The following VPS13B variants were observed in gnomAD, a reference collection of about 807,000 sequenced individuals.
The protein encoded by VPS13B is vacuolar protein sorting 13 homolog B.
VPS13B carries 285 observed loss-of-function variants against 426.4 expected under a neutral mutation model. The ratio of observed to expected loss-of-function variants is 0.67; its 90% CI spans 0.61 to 0.74. The LOEUF is 0.74. Ranked by LOEUF, VPS13B falls within the 30% of genes least tolerant of loss-of-function variation. The probability of loss-of-function intolerance (pLI) is 0.00; values close to 1 mark genes in which losing one functional copy is unlikely to be tolerated. For missense variants in VPS13B, 4,537 were observed against 4,782.6 expected, an observed-to-expected ratio of 0.95 and a Z score of 1.51; for synonymous variants, 1,676 against 1,676.4, an observed-to-expected ratio of 1.00 and a Z score of 0.01.
chr8:99,135,569 A>G (rs773846388), intron 10 of VPS13B, 27 bp from the exon 11 acceptor site: 2 of 1,609,574 alleles, frequency 1.2e-6, no homozygotes, highest in South Asian at 1.1e-5. Flanking sequence ...TTTTCTTCCC[A>G]TTTATAAATT....
At chr8:99,593,044 A>G (rs1826774639) in intron 33 of VPS13B, among the ~76,000 whole-genome samples, 2 of 152,182 alleles carry the variant, frequency 1.3e-5, no homozygotes, top group Admixed American at 6.5e-5. Flanking sequence ...TAACCCAACA[A>G]AAGCAAAAAT....
chr8:99,164,657 G>A (rs1811885908), intron 15 of VPS13B, among the ~76,000 whole-genome samples: 1 of 152,180 alleles, frequency 6.6e-6, no homozygotes, highest in African/African-American at 2.4e-5. Context: ...TAAAGGAATA[G>A]GATACACTGT....
At chr8:99,723,837 A>G (rs1833225987) in intron 39 of VPS13B, among the ~76,000 whole-genome samples, 1 of 152,214 alleles carries the variant, frequency 6.6e-6, no homozygotes. Context: ...TGGCCTAGGG[A>G]GCAAGACAGG....
At chr8:99,463,180 G>A (rs2133497572) in intron 23 of VPS13B, among the ~76,000 whole-genome samples, 1 of 152,298 alleles carries the variant, frequency 6.6e-6, no homozygotes, top group South Asian at 2.1e-4. Context: ...GAAGGGCAAT[G>A]CTATTCTTTT....
chr8:99,183,419 G>T (rs890049344), intron 16 of VPS13B, among the ~76,000 whole-genome samples: 3 of 152,136 alleles, frequency 2.0e-5, no homozygotes, highest in Non-Finnish European at 4.4e-5. Context: ...TGCTCAGATG[G>T]AATTGGGGAG....
intron 54 of VPS13B, among the ~76,000 whole-genome samples, chr8:99,836,186 TA>T (rs1234929818): frequency 6.6e-6 from 1 of 152,048 alleles, no homozygotes; most frequent in African/African-American, 2.4e-5. Context: ...CCTGAGCAGA[TA>T]AAATGTCTTG....
At chr8:99,593,407 C>T (rs895203055) in intron 33 of VPS13B, among the ~76,000 whole-genome samples, 49 of 151,974 alleles carry the variant, frequency 3.2e-4, no homozygotes, top group African/African-American at 1.1e-3. Context: ...AGTCAAAAAA[C>T]AACAGATGCT....
intron 41 of VPS13B, among the ~76,000 whole-genome samples, chr8:99,777,450 A>G (rs906485544): frequency 6.6e-6 from 1 of 152,198 alleles, no homozygotes; most frequent in Non-Finnish European, 1.5e-5. Context: ...TTTTATAACC[A>G]TCAGATCTCG....
At chr8:99,054,618 C>T (rs888537151) in intron 3 of VPS13B, among the ~76,000 whole-genome samples, 3 of 152,168 alleles carry the variant, frequency 2.0e-5, no homozygotes, top group Admixed American at 6.5e-5. Flanking sequence ...GGTGTTATAT[C>T]TAAGAGTTCA....
intron 3 of VPS13B, among the ~76,000 whole-genome samples, chr8:99,085,852 C>A (rs1845751787): frequency 1.3e-5 from 2 of 152,150 alleles, no homozygotes; most frequent in Non-Finnish European, 2.9e-5. Context: ...TGTGGGTAAC[C>A]CGACCTTTCT....
At chr8:99,655,272 G>C (rs185854532) in intron 34 of VPS13B, among the ~76,000 whole-genome samples, 1 of 152,322 alleles carries the variant, frequency 6.6e-6, no homozygotes, top group African/African-American at 2.4e-5. Context: ...CAGAGACAAA[G>C]AGTTTTGATA....
chr8:99,210,292 C>T (rs1318034001), intron 17 of VPS13B, among the ~76,000 whole-genome samples: 2 of 152,170 alleles, frequency 1.3e-5, no homozygotes, highest in African/African-American at 2.4e-5. Context: ...ATTCTCAGCA[C>T]CTCATTTCTA....
intron 21 of VPS13B, among the ~76,000 whole-genome samples, chr8:99,427,950 T>G (rs949045088): frequency 3.9e-5 from 6 of 152,050 alleles, no homozygotes; most frequent in Admixed American, 2.0e-4. Flanking sequence ...TATAGAGCAA[T>G]GGAACAGAAC....
At chr8:99,123,418 G>C (rs570217252) in intron 8 of VPS13B, among the ~76,000 whole-genome samples, 3 of 152,120 alleles carry the variant, frequency 2.0e-5, no homozygotes, top group African/African-American at 4.8e-5. Flanking sequence ...AAAGATAAGA[G>C]GGGTGATGAG....
intron 17 of VPS13B, among the ~76,000 whole-genome samples, chr8:99,248,498 A>T (rs1275636833): frequency 6.6e-6 from 1 of 152,158 alleles, no homozygotes; most frequent in Admixed American, 6.5e-5. Context: ...TCTCTTTAGG[A>T]TAACTGTGAA....
chr8:99,510,767 C>G (rs1821749798), intron 28 of VPS13B, among the ~76,000 whole-genome samples: 2 of 152,194 alleles, frequency 1.3e-5, no homozygotes, highest in Non-Finnish European at 2.9e-5. Context: ...CCACCTTAGC[C>G]TCCCAAAGTG....
intron 31 of VPS13B, among the ~76,000 whole-genome samples, chr8:99,565,062 G>A (rs921529009): frequency 5.3e-5 from 8 of 152,102 alleles, no homozygotes; most frequent in African/African-American, 1.7e-4. Flanking sequence ...TTTAGGGGGA[G>A]GTGGAAAGTT....
At chr8:99,314,585 G>A (rs1188842813) in intron 19 of VPS13B, among the ~76,000 whole-genome samples, 2 of 152,056 alleles carry the variant, frequency 1.3e-5, no homozygotes, top group Non-Finnish European at 2.9e-5. Flanking sequence ...CAAGTAGCTG[G>A]GACTACAGGT....
At chr8:99,657,267 T>G (rs1331174652) in intron 34 of VPS13B, among the ~76,000 whole-genome samples, 1 of 152,184 alleles carries the variant, frequency 6.6e-6, no homozygotes, top group African/African-American at 2.4e-5. Context: ...AACTCTTATC[T>G]ACATTATCAG....
Sources: allele counts gnomAD v4.1 joint callset (sites outside exome capture counted in the v4.1 genomes callset), GRCh38; gene constraint gnomAD v4.1.1; transcripts MANE v1.5; gene names NCBI Gene and HGNC (gene_info 2026-07-23, HGNC 2026-07-21).